The following PTPRS variants were observed in gnomAD, a reference collection of about 807,000 sequenced individuals.
PTPRS encodes the protein protein tyrosine phosphatase receptor type S, also known as receptor-type tyrosine-protein phosphatase S.
Under a neutral mutation model 215.3 loss-of-function variants are expected in PTPRS, and 63 were observed. That is an observed-to-expected ratio of 0.29 (90% CI 0.24 to 0.36). The LOEUF is 0.36. Among genes scored for constraint, PTPRS ranks in the 10% least tolerant of loss-of-function variants. The probability of loss-of-function intolerance (pLI) is 1.00; values close to 1 mark genes in which losing one functional copy is unlikely to be tolerated. For missense variants in PTPRS, 2,258 were observed against 2,825.8 expected (o/e 0.80, Z 4.56); for synonymous variants, 1,404 against 1,191.4 (o/e 1.18, Z -3.68).
chr19:5,295,713 T>C lies in PTPRS; in HGVS notation c.-94-9479A>G, dbSNP rs532924348. Among the ~76,000 whole-genome samples the C allele has an allele frequency of 6.6e-6, 1 of 152,326 alleles. No individual in the cohort carries two copies. The highest frequency in any genetic ancestry group is 2.1e-4 in the South Asian group (1 of 4,828). On this transcript the variant is annotated intron_variant, in intron 1 of 37. Coordinates refer to ENST00000262963, the MANE Select transcript of PTPRS (RefSeq NM_002850.4). This position sits in a 1 kb window ranked among gnomAD's most constrained non-coding sequence, Gnocchi z 4.6. ...TTATTCTCCTCCAAAGGCCACACTG[T>C]GTGTGCCCTTGTCATAAAGCAGGCA...
chr19:5,230,956 G>C (rs940296780), intron 14 of PTPRS, among the ~76,000 whole-genome samples: 1 of 152,156 alleles, frequency 6.6e-6, no homozygotes, highest in African/African-American at 2.4e-5. Flanking sequence ...CCATCCACCC[G>C]GGGAGCTGGT....
chr19:5,223,050 G>C lies in PTPRS; in HGVS notation c.2742C>G (p.Gly914=). ...RLAARSRGGL[G]EEAAEVLSIP... is the part of the protein sequence containing the mutation. ...TGCTCAGGACCTCGGCTGCCTCCTCGCCCAGGCCGCCGCGGCTCCGGGCCG... is the reference window on the plus strand; with the variant it reads ...TGCTCAGGACCTCGGCTGCCTCCTCCCCCAGGCCGCCGCGGCTCCGGGCCG... The change falls in exon 18 of 38, where the codon GGC becomes GGG. Residue 914 remains glycine, a synonymous_variant. Transcript: ENST00000262963. 10 of 1,548,976 alleles carry C rather than the reference G, an allele frequency of 6.5e-6. No individual in the cohort carries two copies. Among genetic ancestry groups the C allele is most frequent in the Non-Finnish European group, 8.7e-6 (10 of 1,148,032 alleles).
chr19:5,314,467 G>A (rs2049808625), intron 1 of PTPRS, among the ~76,000 whole-genome samples: 2 of 151,926 alleles, frequency 1.3e-5, no homozygotes, highest in Non-Finnish European at 2.9e-5. Context: ...CAGCCTTTTT[G>A]GTTCAAGAGC....
intron 9 of PTPRS, among the ~76,000 whole-genome samples, chr19:5,247,860 T>C (rs1482015430): frequency 6.7e-6 from 1 of 149,958 alleles, no homozygotes; most frequent in Non-Finnish European, 1.5e-5. Context: ...GGCGTGGGAG[T>C]GGGGTCCGGA....
rs1260485320 is a variant in PTPRS at position 5,211,674 on chromosome 19, T to C, written c.5150A>G (p.Tyr1717Cys). 1.9e-6 allele frequency: 3 copies of C among 1,613,958 alleles called. No homozygotes were observed. The highest frequency in any genetic ancestry group is 2.5e-6 in the Non-Finnish European group (3 of 1,180,014). Residue 1717 changes from tyrosine to cysteine, a missense_variant, in exon 33 of 38, where the codon TAT (tyrosine) becomes TGT (cysteine). This residue lies in a region of PTPRS where 927 missense variants were observed against 1,125.9 expected (regional missense o/e 0.82). Coordinates refer to ENST00000262963, the MANE Select transcript of PTPRS (RefSeq NM_002850.4). ...TTGCAGACAGACCCGTGTGCTCTCA[T>C]AGGGCATGATGTTCACCAGGCGGTT... is the stretch of plus-strand genomic sequence containing the variant. ...FKNRLVNIMP[Y>C]ESTRVCLQPI...
rs759153530 is a variant in PTPRS at position 5,211,738 on chromosome 19, G to A, written c.5086C>T (p.Arg1696Cys). Residue 1696 changes from arginine (R) to cysteine (C), a missense_variant, in exon 33 of 38, where the codon CGC (arginine) becomes TGC (cysteine). Physicochemically the swap from Arg to Cys is radical, Grantham distance 180 (BLOSUM62 -3). Transcript: ENST00000262963. The stretch of plus-strand genomic sequence containing the variant: ...CAAGGCAGATTGGCACTGATGAAGC[G>A]TGACGTGTGGGCCTTGGAGTTAGCC... ...RLANSKAHTS[R>C]FISANLPCNK... The A allele has an allele frequency of 1.7e-5, 28 of 1,613,842 alleles. No individual in the cohort carries two copies. The highest frequency in any genetic ancestry group is 4.0e-5 in the African/African-American group (3 of 74,934).
chr19:5,237,676 G>C lies in PTPRS; in HGVS notation c.1849+1243C>G, dbSNP rs1190855552. Among the ~76,000 whole-genome samples the C allele has an allele frequency of 2.6e-5, 4 of 152,120 alleles. No homozygotes were observed. Among genetic ancestry groups the C allele is most frequent in the African/African-American group, 9.7e-5 (4 of 41,430 alleles). ...GTGGGCCGTTTTTGTGAACCTGCTTGAGACCAGCGTGTACTCACCTTCAGG... is the reference window on the plus strand; with the variant it reads ...GTGGGCCGTTTTTGTGAACCTGCTTCAGACCAGCGTGTACTCACCTTCAGG... On this transcript the variant is annotated intron_variant, in intron 13 of 37. Transcript: ENST00000262963. The surrounding 1 kb of genome is among the most constrained non-coding windows in gnomAD (Gnocchi z 4.2).
At chr19:5,252,063 C>G (rs775844968) in intron 9 of PTPRS, among the ~76,000 whole-genome samples, 5 of 152,094 alleles carry the variant, frequency 3.3e-5, no homozygotes, top group Admixed American at 6.6e-5. Flanking sequence ...AACAATTTTT[C>G]CCCATAAATT....
chr19:5,273,092 T>C (rs1214230834), intron 4 of PTPRS: 2 of 313,034 alleles, frequency 6.4e-6, no homozygotes, highest in African/African-American at 4.3e-5. Flanking sequence ...TGGATCCAGC[T>C]GAACCTGAAG....
chr19:5,220,288 C>A lies in PTPRS; in HGVS notation c.3521G>T (p.Gly1174Val). 6.2e-7 allele frequency: 1 copy of A among 1,614,066 alleles called. No individual in the cohort carries two copies. Among genetic ancestry groups the A allele is most frequent in the Non-Finnish European group, 8.5e-7 (1 of 1,179,986 alleles). The change falls in exon 21 of 38, where the codon GGT becomes GTT. Residue 1174 changes from glycine (G) to valine (V), a missense_variant. Coordinates refer to ENST00000262963, the MANE Select transcript of PTPRS (RefSeq NM_002850.4). Reference sequence around the variant, plus strand: ...TTCCAGATCCATGTCCTCTGGGCTACCCAGCGGGGTCAGGAATTGGCCTCC... The same window carrying A: ...TTCCAGATCCATGTCCTCTGGGCTAACCAGCGGGGTCAGGAATTGGCCTCC... ...SRGGQFLTPL[G>V]SPEDMDLEEL...
intron 20 of PTPRS, 74 bp from the exon 21 acceptor site, chr19:5,220,427 G>GCTTCCCCCGTTT: frequency 1.6e-6 from 2 of 1,248,658 alleles, no homozygotes; most frequent in Non-Finnish European, 2.3e-6. Context: ...GGGGCAAACG[G>GCTTCCCCCGTTT]GGGAAGCCGT....
At position 5,215,610 on chromosome 19, in the gene PTPRS, A is replaced by G; in HGVS notation, c.4097-15T>C. Reference sequence around the variant, plus strand: ...GCTAAGCATGCCTACAGGGTGGAGCAGACCCCGCCGGGGTTGGTCACTTGG... The same window carrying G: ...GCTAAGCATGCCTACAGGGTGGAGCGGACCCCGCCGGGGTTGGTCACTTGG... On this transcript the variant is annotated splice_polypyrimidine_tract_variant and intron_variant, in intron 26 of 37. Transcript: ENST00000262963. The G allele has an allele frequency of 6.4e-7, 1 of 1,572,582 alleles. No homozygotes were observed. The highest frequency in any genetic ancestry group is 8.7e-7 in the Non-Finnish European group (1 of 1,155,788).
rs556459307 is a variant in PTPRS at position 5,245,136 on chromosome 19, C to T, written c.988+640G>A. On this transcript the variant is annotated intron_variant, in intron 10 of 37. Coordinates refer to ENST00000262963, the MANE Select transcript of PTPRS (RefSeq NM_002850.4). Reference sequence around the variant, plus strand: ...CTGGGATTACAGATGTGCGCCACCACGCCCAGCTAATTTTTTTTTTTTTTT... The same window carrying T: ...CTGGGATTACAGATGTGCGCCACCATGCCCAGCTAATTTTTTTTTTTTTTT... Among the ~76,000 whole-genome samples, 42 of 150,788 alleles carry T rather than the reference C, an allele frequency of 2.8e-4. 1 individual carries two copies. In the South Asian group the frequency reaches 8.0e-3, roughly 29 times the overall value.
At chr19:5,299,943 G>T (rs1453084217) in intron 1 of PTPRS, among the ~76,000 whole-genome samples, 2 of 151,722 alleles carry the variant, frequency 1.3e-5, no homozygotes, top group East Asian at 3.9e-4. Flanking sequence ...AAACTTAAAT[G>T]AAGAAAAATT....
chr19:5,252,574 CAAAAAAAAAAAA>C (rs56215560), intron 9 of PTPRS, among the ~76,000 whole-genome samples: 2 of 66,800 alleles, frequency 3.0e-5, no homozygotes, highest in South Asian at 6.4e-4. Context: ...GAGATTCTGT[CAAAAAAAAAAAA>C]AAAAAAAAAA....
Position 5,210,729 on chromosome 19 carries a change from T to C in PTPRS, c.5311A>G (p.Asn1771Asp), listed in dbSNP as rs1258823766. The change falls in exon 34 of 38, where the codon AAC (asparagine) becomes GAC (aspartate). Residue 1771 changes from asparagine (N) to aspartate (D), a missense_variant. Asn to Asp is a conservative substitution (Grantham distance 23, BLOSUM62 1). This residue lies in a region of PTPRS where 927 missense variants were observed against 1,125.9 expected (regional missense o/e 0.82). Transcript: ENST00000262963. This position sits in a 1 kb window ranked among gnomAD's most constrained non-coding sequence, Gnocchi z 4.5. ...TEDFWRMLWE[N>D]NSTIVVMLTK... ...AGCATCACCACGATCGTCGAATTGT[T>C]CTCCCACAGCATGCGCCAGAAGTCT... 1 of 1,614,144 alleles carries C rather than the reference T, an allele frequency of 6.2e-7. No individual in the cohort carries two copies. The highest frequency in any genetic ancestry group is 8.5e-7 in the Non-Finnish European group (1 of 1,180,036).
chr19:5,320,791 C>T (rs1023230192), intron 1 of PTPRS, among the ~76,000 whole-genome samples: 1 of 152,114 alleles, frequency 6.6e-6, no homozygotes, highest in African/African-American at 2.4e-5. Context: ...GGGCTTCACC[C>T]TATGAACTCA....
Position 5,219,919 on chromosome 19 carries a change from G to A in PTPRS, c.3765+20C>T, listed in dbSNP as rs567628705. 3.3e-5 allele frequency: 53 copies of A among 1,609,966 alleles called. No individual in the cohort carries two copies. Among genetic ancestry groups the A allele is most frequent in the South Asian group, 2.3e-4 (21 of 90,902 alleles). ...TTCAGAGGTGTGTCTGGATGTGGGC[G>A]GACACCATTCAGGACTTACAGGCTC... On this transcript the variant is annotated intron_variant, in intron 22 of 37. Coordinates refer to ENST00000262963, the MANE Select transcript of PTPRS (RefSeq NM_002850.4).
intron 18 of PTPRS, among the ~76,000 whole-genome samples, chr19:5,222,463 G>GGGGGGAGGGGAGCA (rs2042072055): frequency 8.3e-6 from 1 of 120,288 alleles, no homozygotes; most frequent in African/African-American, 3.8e-5. Context: ...AGGAGGAAGA[G>GGGGGGAGGGGAGCA]GGGGGAGGGG....
Sources: gnomAD v4.1 joint callset for allele counts (sites outside exome capture counted in the v4.1 genomes callset) on GRCh38, gnomAD v4.1.1 for gene constraint, gnomAD v4.1.1 regional missense constraint, Gnocchi (gnomAD v3.1) non-coding constraint, MANE v1.5 for transcripts, NCBI Gene and HGNC (gene_info 2026-07-23, HGNC 2026-07-21) for gene names.